The following ROR2 variants were observed in gnomAD, a reference collection of about 807,000 sequenced individuals.
ROR2 encodes ROR family WNT receptor 2, also known as tyrosine-protein kinase transmembrane receptor ROR2.
A neutral mutation model predicts 74.9 loss-of-function variants in ROR2; 33 were observed. That is an observed-to-expected ratio of 0.44 (90% CI 0.33 to 0.59). ROR2 has a LOEUF of 0.59. Among genes scored for constraint, ROR2 ranks in the 20% least tolerant of loss-of-function variants. The pLI is 0.02. For synonymous variants in ROR2, 586 were observed against 558.7 expected (o/e 1.05, Z -0.69); for missense variants, 1,216 against 1,313.8 (o/e 0.93, Z 1.15).
At chr9:91,901,792 G>GGCGACAGGGCAA (rs78969458) in intron 1 of ROR2, among the ~76,000 whole-genome samples, 42,066 of 146,642 alleles carry the variant, frequency 0.29, 6,661 homozygotes, top group Admixed American at 0.47. Flanking sequence ...CTCCAGCCTG[G>GGCGACAGGGCAA]GACTCCATCT....
intron 4 of ROR2, among the ~76,000 whole-genome samples, chr9:91,741,301 GTAGTAA>G (rs1407984838): frequency 0.047 from 4,762 of 100,582 alleles, 197 homozygotes; most frequent in African/African-American, 0.13. Context: ...TCTGTCTCAA[GTAGTAA>G]TAATAATAAT....
chr9:91,804,737 G>A (rs182072645), intron 1 of ROR2, among the ~76,000 whole-genome samples: 14 of 152,060 alleles, frequency 9.2e-5, no homozygotes, highest in African/African-American at 2.9e-4. Flanking sequence ...GATTCAGAGT[G>A]GGGGGGTGGT....
intron 1 of ROR2, among the ~76,000 whole-genome samples, chr9:91,924,593 A>G (rs1220984863): frequency 6.6e-6 from 1 of 152,148 alleles, no homozygotes; most frequent in Admixed American, 6.5e-5. Flanking sequence ...GGAGATCGAG[A>G]CCATCCTGGC....
Position 91,927,154 on chromosome 9 carries a change from T to A in ROR2, c.97+22713A>T, listed in dbSNP as rs531865981. Among the ~76,000 whole-genome samples, 5 of 152,370 alleles carry A rather than the reference T, an allele frequency of 3.3e-5. No homozygotes were observed. In the East Asian group the frequency reaches 9.6e-4, roughly 29 times the overall value. On this transcript the variant is annotated intron_variant, in intron 1 of 8. Transcript: ENST00000375708. ...GCCCACCAGAGCAAAGTGATCTTTTTCAGACCGTAAGTCTTTCAAGACCCA... is the reference window on the plus strand; with the variant it reads ...GCCCACCAGAGCAAAGTGATCTTTTACAGACCGTAAGTCTTTCAAGACCCA...
chr9:91,814,301 A>G (rs1392668513), intron 1 of ROR2, among the ~76,000 whole-genome samples: 2 of 152,208 alleles, frequency 1.3e-5, no homozygotes, highest in Non-Finnish European at 2.9e-5. Flanking sequence ...TGCCTCTAGA[A>G]GGCAACAGCC....
intron 1 of ROR2, among the ~76,000 whole-genome samples, chr9:91,909,860 T>TG (rs1173377178): frequency 2.5e-4 from 32 of 127,608 alleles, no homozygotes; most frequent in South Asian, 1.4e-3. Context: ...TTTTTTTTTT[T>TG]TTTTTTTTTT....
intron 1 of ROR2, among the ~76,000 whole-genome samples, chr9:91,794,972 AT>A (rs1164745661): frequency 1.3e-5 from 2 of 151,964 alleles, no homozygotes; most frequent in Non-Finnish European, 2.9e-5. Flanking sequence ...AAATACAAAG[AT>A]TAGCTGGGTG....
At chr9:91,828,363 T>A (rs998726015) in intron 1 of ROR2, among the ~76,000 whole-genome samples, 3 of 152,246 alleles carry the variant, frequency 2.0e-5, no homozygotes, top group Admixed American at 6.5e-5. Flanking sequence ...TGTAAATTCA[T>A]TAGTAAGTTC....
chr9:91,783,588 T>C (rs542873772), intron 1 of ROR2, among the ~76,000 whole-genome samples: 73 of 147,968 alleles, frequency 4.9e-4, no homozygotes, highest in Non-Finnish European at 8.2e-4. Context: ...ACTTCACCCC[T>C]CCAGGGTTTC....
intron 1 of ROR2, among the ~76,000 whole-genome samples, chr9:91,778,895 T>C (rs1826512780): frequency 6.6e-6 from 1 of 152,200 alleles, no homozygotes; most frequent in African/African-American, 2.4e-5. Flanking sequence ...AGTTTTTTGA[T>C]ACTTTTTAAA....
At chr9:91,887,317 T>A (rs143123305) in intron 1 of ROR2, 58 of 152,308 alleles carry the variant, frequency 3.8e-4, no homozygotes, top group African/African-American at 1.4e-3. Context: ...CGAGCCCCCC[T>A]CCAATGGCAC....
In ROR2 at chr9:91,792,530, G is replaced by A. The variant is rs559910243; in HGVS notation, c.98-16712C>T. On this transcript the variant is annotated intron_variant, in intron 1 of 8. Coordinates refer to ENST00000375708, the MANE Select transcript of ROR2 (RefSeq NM_004560.4). ...TCACCGTGTTAGCCAAGATGGTCTC[G>A]ATCTCCTGACCTTGTGATCCGCCCA... 4.0e-3 allele frequency among the ~76,000 whole-genome samples: 614 copies of A among 152,184 alleles called. 3 individuals are homozygous for A. Among genetic ancestry groups the A allele is most frequent in the Non-Finnish European group, 6.3e-3 (427 of 68,016 alleles).
intron 6 of ROR2, among the ~76,000 whole-genome samples, chr9:91,732,007 C>G (rs1055273134): frequency 2.0e-5 from 3 of 152,128 alleles, no homozygotes; most frequent in Admixed American, 2.0e-4. Flanking sequence ...GTGTCATCCC[C>G]ACGGAATATA....
intron 2 of ROR2, among the ~76,000 whole-genome samples, chr9:91,768,826 T>A (rs75738767): frequency 0.019 from 2,912 of 151,846 alleles, 92 homozygotes; most frequent in African/African-American, 0.067. Context: ...TGGGGTAGAG[T>A]TTTCTTCCAA....
At chr9:91,812,332 C>T (rs752470489) in intron 1 of ROR2, among the ~76,000 whole-genome samples, 3 of 151,984 alleles carry the variant, frequency 2.0e-5, no homozygotes, top group Admixed American at 6.5e-5. Flanking sequence ...TGAGATTACC[C>T]GATCCTTCTA....
At chr9:91,879,825 A>T (rs2119361161) in intron 1 of ROR2, among the ~76,000 whole-genome samples, 1 of 152,260 alleles carries the variant, frequency 6.6e-6, no homozygotes, top group South Asian at 2.1e-4. Flanking sequence ...AACTGCAGAA[A>T]GTCTAGTTCC....
Position 91,813,212 on chromosome 9 carries a change from C to CA in ROR2, c.98-37395dup, listed in dbSNP as rs549058737. On this transcript the variant is annotated intron_variant, in intron 1 of 8. Coordinates refer to ENST00000375708, the MANE Select transcript of ROR2 (RefSeq NM_004560.4). ...CAAAGATCTCCTCCTGGCACAATGA[C>CA]AAAAAAACACATAAACGAAATGTCG... 2.0e-5 allele frequency among the ~76,000 whole-genome samples: 3 copies of CA among 152,192 alleles called. No homozygotes were observed. In the East Asian group the frequency reaches 5.8e-4, roughly 29 times the overall value.
At chr9:91,777,281 G>A (rs941355525) in intron 1 of ROR2, among the ~76,000 whole-genome samples, 2 of 152,138 alleles carry the variant, frequency 1.3e-5, no homozygotes, top group Non-Finnish European at 2.9e-5. Flanking sequence ...ACAGGGCTCA[G>A]TGTTTTCAGC....
At chr9:91,808,079 T>G (rs1827625299) in intron 1 of ROR2, among the ~76,000 whole-genome samples, 1 of 151,804 alleles carries the variant, frequency 6.6e-6, no homozygotes, top group African/African-American at 2.4e-5. Context: ...AAGAAAATTA[T>G]TTCTATAAAC....
Sources: allele counts gnomAD v4.1 joint callset (sites outside exome capture counted in the v4.1 genomes callset), GRCh38; gene constraint gnomAD v4.1.1; transcripts MANE v1.5; gene names NCBI Gene and HGNC (gene_info 2026-07-23, HGNC 2026-07-21).